MYO1D: variants seen among roughly 807,000 people sequenced by gnomAD.
The protein encoded by MYO1D is myosin ID.
Under a neutral mutation model 122.0 loss-of-function variants are expected in MYO1D, and 83 were observed. The ratio of observed to expected loss-of-function variants is 0.68; its 90% CI spans 0.57 to 0.82. The LOEUF (loss-of-function observed/expected upper bound fraction) is 0.82, where lower values mean the gene tolerates loss of function less well. MYO1D is among the 40% of genes least tolerant of loss of function. The pLI, the probability that MYO1D is intolerant of heterozygous loss-of-function variation, is 0.00. For synonymous variants in MYO1D, 464 were observed against 446.9 expected, an observed-to-expected ratio of 1.04 and a Z score of -0.48; for missense variants, 1,157 against 1,269.5, an observed-to-expected ratio of 0.91 and a Z score of 1.35.
At chr17:32,668,676 C>A (rs145622233) in intron 16 of MYO1D, among the ~76,000 whole-genome samples, 53 of 151,944 alleles carry the variant, frequency 3.5e-4, no homozygotes, top group Middle Eastern at 3.4e-3. Flanking sequence ...TGTACATTAG[C>A]ACATTAGAAG....
rs560953120 is a variant in MYO1D at position 32,864,007 on chromosome 17, C to CTTTTTTTTTTTTTTTTTTTTTTTT, written c.95+12747_95+12770dup. Among the ~76,000 whole-genome samples, 2 of 48,960 alleles carry CTTTTTTTTTTTTTTTTTTTTTTTT rather than the reference C, an allele frequency of 4.1e-5. 1 individual carries two copies. Among genetic ancestry groups the CTTTTTTTTTTTTTTTTTTTTTTTT allele is most frequent in the Non-Finnish European group, 7.0e-5 (2 of 28,654 alleles). The allele number at this position is 48,960 out of a possible 152,430, so 32.1% of individuals were successfully genotyped here. On this transcript the variant is annotated intron_variant, in intron 1 of 21. Coordinates refer to ENST00000318217, the MANE Select transcript of MYO1D (RefSeq NM_015194.3). ...TAATTTTGGTTACAAACATTTCTTC[C>CTTTTTTTTTTTTTTTTTTTTTTTT]TTTTTTTTTTTTTTTTTTTTTTTTT...
chr17:32,632,236 A>G (rs1300406191), intron 20 of MYO1D, among the ~76,000 whole-genome samples: 2 of 152,208 alleles, frequency 1.3e-5, no homozygotes, highest in African/African-American at 4.8e-5. Context: ...CAAATAACAA[A>G]TGACAAGACC....
rs373334045 is a variant in MYO1D at position 32,687,297 on chromosome 17, C to T, written c.2121+24691G>A. On this transcript the variant is annotated intron_variant, in intron 16 of 21. Coordinates refer to ENST00000318217, the MANE Select transcript of MYO1D (RefSeq NM_015194.3). ...CTGCAAGCTCCGCCTCCTGGGTTCA[C>T]GCCATTCTCCTGCCTCAGCCTCCCA... 2.5e-3 allele frequency among the ~76,000 whole-genome samples: 378 copies of T among 151,608 alleles called. 2 individuals are homozygous for T. The highest frequency in any genetic ancestry group is 6.8e-3 in the Middle Eastern group (2 of 294).
At chr17:32,558,891 C>A (rs1017231267) in intron 21 of MYO1D, among the ~76,000 whole-genome samples, 1 of 152,180 alleles carries the variant, frequency 6.6e-6, no homozygotes, top group Admixed American at 6.5e-5. Context: ...AGCCACTGAA[C>A]CCTTCCATGC....
chr17:32,638,777 T>C lies in MYO1D; in HGVS notation c.2654A>G (p.Tyr885Cys), dbSNP rs768907265. 3 of 1,613,862 alleles carry C rather than the reference T, an allele frequency of 1.9e-6. No homozygotes were observed. The highest frequency in any genetic ancestry group is 2.5e-6 in the Non-Finnish European group (3 of 1,179,916). Residue 885 changes from tyrosine to cysteine, a missense_variant, in exon 20 of 22, where the codon TAT becomes TGT. Physicochemically the swap from Tyr to Cys is radical, Grantham distance 194. Coordinates refer to ENST00000318217, the MANE Select transcript of MYO1D (RefSeq NM_015194.3). ...RAIFVTDRHL[Y>C]KMDPTKQYKV... ...GTACTGTTTAGTGGGATCCATTTTA[T>C]ACAGGTGACGGTCAGTGACAAAAAT... is the stretch of plus-strand genomic sequence containing the variant.
At chr17:32,830,712 GT>G (rs1451017461) in intron 1 of MYO1D, among the ~76,000 whole-genome samples, 1 of 152,098 alleles carries the variant, frequency 6.6e-6, no homozygotes, top group Non-Finnish European at 1.5e-5. Flanking sequence ...GAATAATTGG[GT>G]TTTTAAATTT....
intron 19 of MYO1D, among the ~76,000 whole-genome samples, chr17:32,646,692 C>T (rs978398128): frequency 1.3e-5 from 2 of 152,032 alleles, no homozygotes; most frequent in East Asian, 1.9e-4. Context: ...TGTATGAAAA[C>T]ACTGTTTGAA....
chr17:32,553,110 A>AT (rs1314033337), intron 21 of MYO1D, among the ~76,000 whole-genome samples: 2 of 151,666 alleles, frequency 1.3e-5, no homozygotes, highest in African/African-American at 2.4e-5. Flanking sequence ...AAACAAAAAA[A>AT]AAAACAAAAA....
At chr17:32,850,281 T>C (rs1005921968) in intron 1 of MYO1D, among the ~76,000 whole-genome samples, 1 of 152,238 alleles carries the variant, frequency 6.6e-6, no homozygotes, top group African/African-American at 2.4e-5. Flanking sequence ...GTTATTTCTT[T>C]ACAATATTTT....
intron 20 of MYO1D, among the ~76,000 whole-genome samples, chr17:32,619,752 T>C (rs755336028): frequency 6.6e-6 from 1 of 152,226 alleles, no homozygotes; most frequent in Non-Finnish European, 1.5e-5. Context: ...TCCTCTCTCT[T>C]AAAATACCAA....
chr17:32,758,159 C>T (rs1051420557), intron 10 of MYO1D, among the ~76,000 whole-genome samples: 3 of 152,044 alleles, frequency 2.0e-5, no homozygotes, highest in South Asian at 2.1e-4. Flanking sequence ...TATTAAATGG[C>T]ACCTGAGGAA....
intron 21 of MYO1D, among the ~76,000 whole-genome samples, chr17:32,551,586 G>A (rs574720652): frequency 1.4e-5 from 2 of 146,556 alleles, no homozygotes; most frequent in East Asian, 2.0e-4. Context: ...ACACACACAC[G>A]CATCCAGGTG....
intron 1 of MYO1D, among the ~76,000 whole-genome samples, chr17:32,867,932 A>AC (rs1279184094): frequency 1.3e-5 from 2 of 151,862 alleles, no homozygotes; most frequent in Non-Finnish European, 2.9e-5. Context: ...ACAAAAAAAA[A>AC]ACTCTAGACT....
intron 1 of MYO1D, among the ~76,000 whole-genome samples, chr17:32,808,503 C>A (rs986777217): frequency 2.0e-5 from 3 of 152,040 alleles, no homozygotes; most frequent in African/African-American, 7.2e-5. Flanking sequence ...TGCTTTTATC[C>A]GACTATAACC....
intron 4 of MYO1D, among the ~76,000 whole-genome samples, chr17:32,775,582 C>T (rs1013348028): frequency 9.9e-5 from 15 of 152,156 alleles, no homozygotes; most frequent in Admixed American, 2.0e-4. Context: ...GATTGACTTT[C>T]GGTTAAACCT....
At chr17:32,783,045 C>G (rs2090256700) in intron 1 of MYO1D, among the ~76,000 whole-genome samples, 1 of 152,062 alleles carries the variant, frequency 6.6e-6, no homozygotes, top group African/African-American at 2.4e-5. Context: ...CTAAGATTCA[C>G]TACGCAAGTT....
chr17:32,668,434 C>T (rs1442825218), intron 16 of MYO1D, among the ~76,000 whole-genome samples: 1 of 152,212 alleles, frequency 6.6e-6, no homozygotes, highest in East Asian at 1.9e-4. Flanking sequence ...ACACAGTATA[C>T]ATTTGCTTTA....
chr17:32,859,833 C>T (rs548237151), intron 1 of MYO1D, among the ~76,000 whole-genome samples: 1 of 152,226 alleles, frequency 6.6e-6, no homozygotes, highest in African/African-American at 2.4e-5. Context: ...TATCCAATAT[C>T]CTATTCTGCC....
chr17:32,666,824 T>C (rs1035107478), intron 16 of MYO1D, among the ~76,000 whole-genome samples: 6 of 152,258 alleles, frequency 3.9e-5, no homozygotes, highest in African/African-American at 1.4e-4. Flanking sequence ...AGACATTCTC[T>C]TGGTTTCCAC....
Sources: allele counts gnomAD v4.1 joint callset (sites outside exome capture counted in the v4.1 genomes callset), GRCh38; gene constraint gnomAD v4.1.1; transcripts MANE v1.5; gene names NCBI Gene and HGNC (gene_info 2026-07-23, HGNC 2026-07-21).